The following FIG4 variants were observed in gnomAD, a reference collection of about 807,000 sequenced individuals.
FIG4 encodes FIG4 phosphoinositide 5-phosphatase.
Under a neutral mutation model 118.6 loss-of-function variants are expected in FIG4, and 112 were observed. The ratio of observed to expected loss-of-function variants is 0.94; its 90% CI spans 0.81 to 1.11. The LOEUF (loss-of-function observed/expected upper bound fraction) is 1.11, where lower values mean the gene tolerates loss of function less well. Among genes scored for constraint, FIG4 ranks in the 50% least tolerant of loss-of-function variants. The pLI is 0.00. For missense variants in FIG4, 969 were observed against 1,111.7 expected (o/e 0.87, Z 1.83); for synonymous variants, 369 against 381.2 (o/e 0.97, Z 0.37).
At chr6:109,707,404 TATAC>T (rs1364314943) in intron 1 of FIG4, among the ~76,000 whole-genome samples, 1 of 148,360 alleles carries the variant, frequency 6.7e-6, no homozygotes, top group African/African-American at 2.5e-5. Context: ...TATACATACA[TATAC>T]ATATATACCT....
intron 15 of FIG4, among the ~76,000 whole-genome samples, chr6:109,768,914 T>C (rs1777363844): frequency 2.6e-5 from 4 of 152,062 alleles, no homozygotes; most frequent in African/African-American, 4.8e-5. Context: ...AATCTAAGTG[T>C]TGACAGGGCC....
At chr6:109,746,728 T>G (rs1254340830) in intron 10 of FIG4, among the ~76,000 whole-genome samples, 1 of 152,124 alleles carries the variant, frequency 6.6e-6, no homozygotes, top group Non-Finnish European at 1.5e-5. Flanking sequence ...TTGTCAGATT[T>G]ATGTTTTGAA....
At chr6:109,764,081 A>G in intron 13 of FIG4, 99 bp downstream of exon 13, 3 of 760,962 alleles carry the variant, frequency 3.9e-6, no homozygotes, top group Non-Finnish European at 6.9e-6. Flanking sequence ...ATCTTATTTA[A>G]TGCAGAATTA....
chr6:109,728,611 C>G (rs928357249), intron 4 of FIG4, among the ~76,000 whole-genome samples: 2 of 152,058 alleles, frequency 1.3e-5, no homozygotes, highest in Admixed American at 1.3e-4. Flanking sequence ...TTTTCTGAGC[C>G]CTTGTGATGT....
intron 8 of FIG4, among the ~76,000 whole-genome samples, chr6:109,742,032 A>G (rs528859759): frequency 7.9e-5 from 12 of 152,180 alleles, no homozygotes; most frequent in African/African-American, 2.9e-4. Flanking sequence ...TGCATCTGAA[A>G]CATGTGAGAA....
At chr6:109,755,348 T>C (rs541598523) in intron 10 of FIG4, among the ~76,000 whole-genome samples, 10 of 152,368 alleles carry the variant, frequency 6.6e-5, no homozygotes, top group African/African-American at 2.4e-4. Flanking sequence ...AGGAGAACTT[T>C]GCTTCCACCT....
intron 4 of FIG4, among the ~76,000 whole-genome samples, chr6:109,730,509 A>G (rs1433999685): frequency 6.6e-6 from 1 of 152,234 alleles, no homozygotes; most frequent in African/African-American, 2.4e-5. Flanking sequence ...ACAAGATGGT[A>G]AGACCTATAA....
chr6:109,751,304 G>A (rs568355274), intron 10 of FIG4, among the ~76,000 whole-genome samples: 329 of 152,282 alleles, frequency 2.2e-3, no homozygotes, highest in Non-Finnish European at 3.8e-3. Flanking sequence ...TCTGCTGCTG[G>A]ATTCGGTTTG....
chr6:109,771,468 T>C (rs1261171848), intron 15 of FIG4, among the ~76,000 whole-genome samples: 2 of 137,086 alleles, frequency 1.5e-5, no homozygotes, highest in Non-Finnish European at 3.1e-5. Flanking sequence ...ATTCTTTTTT[T>C]TTTTTTTTTT....
chr6:109,740,229 C>T (rs1264039866), intron 7 of FIG4, among the ~76,000 whole-genome samples: 4 of 152,122 alleles, frequency 2.6e-5, no homozygotes, highest in Admixed American at 2.0e-4. Flanking sequence ...AGAGCTAACT[C>T]GGGTCCTGGC....
intron 1 of FIG4, among the ~76,000 whole-genome samples, chr6:109,707,440 C>CAT (rs964455745): frequency 2.7e-5 from 4 of 147,752 alleles, no homozygotes; most frequent in East Asian, 3.9e-4. Context: ...CATATATATA[C>CAT]ATATATATAC....
At chr6:109,766,089 A>G (rs1477482144) in intron 14 of FIG4, among the ~76,000 whole-genome samples, 5 of 152,202 alleles carry the variant, frequency 3.3e-5, no homozygotes, top group African/African-American at 1.2e-4. Flanking sequence ...CCTTTGGAAA[A>G]TGAGTAGAGC....
At chr6:109,719,110 G>A (rs538164630) in intron 3 of FIG4, among the ~76,000 whole-genome samples, 14 of 151,814 alleles carry the variant, frequency 9.2e-5, no homozygotes, top group Non-Finnish European at 2.1e-4. Context: ...GTAGAGATGG[G>A]GTTTCGCCAT....
Position 109,732,645 on chromosome 6 carries a change from G to T in FIG4, c.455G>T (p.Arg152Leu). 2.1e-6 allele frequency: 3 copies of T among 1,419,016 alleles called. No homozygotes were observed. The highest frequency in any genetic ancestry group is 3.0e-6 in the Non-Finnish European group (3 of 1,015,384). 87.9% of individuals were successfully genotyped at this position (1,419,016 alleles called of 1,614,324 possible). A position where few individuals can be genotyped will look rare whatever the true frequency, so the allele number is the denominator to read the frequency against. The part of the protein sequence containing the change: ...VTHPDEARYL[R>L]IFQNVDLSSN... ...TGTTTTTTTTTTTTTAGGTATCTACGAATATTTCAAAATGTGGACCTATCT... is the reference window on the plus strand; with the variant it reads ...TGTTTTTTTTTTTTTAGGTATCTACTAATATTTCAAAATGTGGACCTATCT... Residue 152 changes from arginine to leucine, a missense_variant, in exon 5 of 23, where the codon CGA becomes CTA. By Grantham distance (102) the Arg-to-Leu change is moderately radical. This residue lies in a region of FIG4 where 393 missense variants were observed against 409.4 expected (regional missense o/e 0.96). Coordinates refer to ENST00000230124, the MANE Select transcript of FIG4 (RefSeq NM_014845.6).
intron 7 of FIG4, among the ~76,000 whole-genome samples, chr6:109,740,685 T>C (rs565409388): frequency 6.6e-6 from 1 of 152,156 alleles, no homozygotes; most frequent in Non-Finnish European, 1.5e-5. Context: ...TTATTCATAA[T>C]TGAAACAGCC....
In FIG4 at chr6:109,732,620, T is replaced by A. The variant is rs1562651423; in HGVS notation, c.447-17T>A. ...AGTATTGGACAAATGAAATGTACTT[T>A]GTTTTTTTTTTTTTAGGTATCTACG... is the stretch of plus-strand genomic sequence containing the variant. On this transcript the variant is annotated splice_polypyrimidine_tract_variant and intron_variant, in intron 4 of 22. Transcript: ENST00000230124. 9.5e-7 allele frequency: 1 copy of A among 1,057,620 alleles called. No individual in the cohort carries two copies. Among genetic ancestry groups the A allele is most frequent in the Non-Finnish European group, 1.4e-6 (1 of 736,414 alleles). The allele number at this position is 1,057,620 out of a possible 1,614,324, so 65.5% of individuals were successfully genotyped here. A position where few individuals can be genotyped will look rare whatever the true frequency, so the allele number is the denominator to read the frequency against.
At chr6:109,707,462 CAT>C (rs1321881426) in intron 1 of FIG4, among the ~76,000 whole-genome samples, 2 of 148,754 alleles carry the variant, frequency 1.3e-5, no homozygotes, top group Non-Finnish European at 3.0e-5. Flanking sequence ...CATATATACA[CAT>C]ATATATACTT....
At chr6:109,729,773 CAAA>C (rs11305700) in intron 4 of FIG4, among the ~76,000 whole-genome samples, 19 of 111,270 alleles carry the variant, frequency 1.7e-4, no homozygotes, top group Admixed American at 2.7e-4. Context: ...GACCCTGCCT[CAAA>C]AAAAAAAAAA....
At chr6:109,711,750 AT>A (rs747920527) in intron 1 of FIG4, among the ~76,000 whole-genome samples, 42 of 152,184 alleles carry the variant, frequency 2.8e-4, no homozygotes, top group Non-Finnish European at 4.7e-4. Context: ...TAAATGGGGT[AT>A]TTAGTCCATT....
Sources: allele counts gnomAD v4.1 joint callset (sites outside exome capture counted in the v4.1 genomes callset), GRCh38; gene constraint gnomAD v4.1.1; regional missense constraint gnomAD v4.1.1; transcripts MANE v1.5; gene names NCBI Gene and HGNC (gene_info 2026-07-23, HGNC 2026-07-21).